IGSF21: variants seen among roughly 807,000 people sequenced by gnomAD.
IGSF21 encodes immunoglobulin superfamily member 21.
In IGSF21, 28 loss-of-function variants were observed where a neutral mutation model predicts 46.8. The observed-to-expected ratio is 0.60, with a 90% CI of 0.44 to 0.82. The LOEUF (loss-of-function observed/expected upper bound fraction) is 0.82. Ranked by LOEUF, IGSF21 falls within the 40% of genes least tolerant of loss-of-function variation. The probability of loss-of-function intolerance (pLI) is 0.00; values close to 1 mark genes in which losing one functional copy is unlikely to be tolerated. For synonymous variants in IGSF21, 284 were observed against 273.6 expected, an observed-to-expected ratio of 1.04 and a Z score of -0.38; for missense variants, 624 against 665.5, an observed-to-expected ratio of 0.94 and a Z score of 0.69.
At chr1:18,220,634 CG>C (rs1304814236) in intron 1 of IGSF21, among the ~76,000 whole-genome samples, 1 of 152,038 alleles carries the variant, frequency 6.6e-6, no homozygotes, top group Non-Finnish European at 1.5e-5. Context: ...AAGTAATTTT[CG>C]GTGTCCCAAG....
chr1:18,231,768 C>T (rs1342318908), intron 2 of IGSF21, among the ~76,000 whole-genome samples: 1 of 152,140 alleles, frequency 6.6e-6, no homozygotes, highest in Non-Finnish European at 1.5e-5. Flanking sequence ...TGCTGTAGAA[C>T]ATTGAGATTT....
intron 3 of IGSF21, among the ~76,000 whole-genome samples, chr1:18,309,810 C>G (rs2085465268): frequency 2.6e-5 from 4 of 152,200 alleles, no homozygotes; most frequent in Admixed American, 2.6e-4. Flanking sequence ...GGAAACGGAG[C>G]AGGACCGGCA....
At chr1:18,223,006 C>T (rs1281006977) in intron 1 of IGSF21, among the ~76,000 whole-genome samples, 1 of 152,168 alleles carries the variant, frequency 6.6e-6, no homozygotes, top group Non-Finnish European at 1.5e-5. Flanking sequence ...CACCTTCTCC[C>T]TCCTCACCCC....
intron 1 of IGSF21, among the ~76,000 whole-genome samples, chr1:18,162,736 C>T (rs980042670): frequency 2.6e-5 from 4 of 152,136 alleles, no homozygotes; most frequent in African/African-American, 9.7e-5. Flanking sequence ...AGGGACATAG[C>T]GTGGGGCCTG....
intron 6 of IGSF21, among the ~76,000 whole-genome samples, chr1:18,372,768 G>A (rs554233525): frequency 5.3e-5 from 8 of 151,116 alleles, no homozygotes; most frequent in Non-Finnish European, 1.2e-4. Flanking sequence ...ATGGATGTTT[G>A]GATAGATGTT....
At position 18,365,668 on chromosome 1, in the gene IGSF21, C is replaced by G. The variant is rs768326409; in HGVS notation, c.986C>G (p.Ser329Trp). ...TGCGAGGTCAAGCACCCAGCTCTGT[C>G]GATGCCCATGCAGGCAGAGGTCACG... ...FSCEVKHPAL[S>W]MPMQAEVTLV... The change falls in exon 6 of 10, where the codon TCG becomes TGG. Residue 329 changes from serine to tryptophan, a missense_variant. Coordinates refer to ENST00000251296, the MANE Select transcript of IGSF21 (RefSeq NM_032880.5). This position sits in a 1 kb window ranked among gnomAD's most constrained non-coding sequence, Gnocchi z 4.8. The G allele has an allele frequency of 3.2e-5, 51 of 1,613,576 alleles. No homozygotes were observed. In the Admixed American group the frequency reaches 7.8e-4, roughly 25 times the overall value.
intron 2 of IGSF21, among the ~76,000 whole-genome samples, chr1:18,282,599 A>C (rs1245784190): frequency 6.6e-6 from 1 of 151,520 alleles, no homozygotes; most frequent in Non-Finnish European, 1.5e-5. Context: ...CAAGGGAGAT[A>C]CAACCTTACA....
intron 2 of IGSF21, among the ~76,000 whole-genome samples, chr1:18,264,980 A>G (rs2084977278): frequency 1.3e-5 from 2 of 152,244 alleles, no homozygotes. Context: ...GGTCGTGAGC[A>G]TGATGTCACA....
At chr1:18,305,736 T>C (rs2085419587) in intron 3 of IGSF21, among the ~76,000 whole-genome samples, 1 of 152,234 alleles carries the variant, frequency 6.6e-6, no homozygotes, top group African/African-American at 2.4e-5. Flanking sequence ...TGGTGGACCA[T>C]TGGGCCATTT....
At chr1:18,367,056 C>G (rs1485857249) in intron 6 of IGSF21, among the ~76,000 whole-genome samples, 1 of 152,190 alleles carries the variant, frequency 6.6e-6, no homozygotes, top group African/African-American at 2.4e-5. Context: ...CAGCTCCTCC[C>G]TGAGCCCGAG....
intron 4 of IGSF21, among the ~76,000 whole-genome samples, chr1:18,354,062 AC>A (rs2085988829): frequency 6.6e-6 from 1 of 152,242 alleles, no homozygotes; most frequent in South Asian, 2.1e-4. Flanking sequence ...ACAGACGTTG[AC>A]CCAGAACAGA....
chr1:18,367,549 G>A (rs1482915666), intron 6 of IGSF21, among the ~76,000 whole-genome samples: 1 of 150,674 alleles, frequency 6.6e-6, no homozygotes, highest in African/African-American at 2.4e-5. Context: ...CTGGTTATGG[G>A]ACTGGTTCCC....
intron 1 of IGSF21, among the ~76,000 whole-genome samples, chr1:18,160,658 G>A (rs547686407): frequency 1.4e-4 from 21 of 152,090 alleles, no homozygotes; most frequent in Non-Finnish European, 2.6e-4. Flanking sequence ...TCGGTGTGAC[G>A]ATGGCTGCTC....
Position 18,376,811 on chromosome 1 carries a change from C to A in IGSF21, c.1113C>A (p.Phe371Leu). ...ILVHGFQNEV[F>L]PEPMFTWTRV... ...GATCTGGCCAACAGAACGAAGTCTT[C>A]CCGGAGCCCATGTTCACGTGGACGC... The change falls in exon 8 of 10, where the codon TTC becomes TTA. Residue 371 changes from phenylalanine (F) to leucine (L), a missense_variant. Phe to Leu is a conservative substitution (Grantham distance 22, BLOSUM62 0). Transcript: ENST00000251296. 6.3e-7 allele frequency: 1 copy of A among 1,593,234 alleles called. No individual in the cohort carries two copies. Among genetic ancestry groups the A allele is most frequent in the South Asian group, 1.1e-5 (1 of 88,974 alleles).
chr1:18,213,856 G>C (rs2084417137), intron 1 of IGSF21, among the ~76,000 whole-genome samples: 1 of 152,152 alleles, frequency 6.6e-6, no homozygotes, highest in Admixed American at 6.5e-5. Context: ...GCTGCCTAAG[G>C]AAGCTTTTCC....
At chr1:18,370,793 T>C (rs116290163) in intron 6 of IGSF21, among the ~76,000 whole-genome samples, 1,966 of 152,004 alleles carry the variant, frequency 0.013, 36 homozygotes, top group African/African-American at 0.045. Context: ...AAAAAGAAAA[T>C]ATACAAATGG....
intron 1 of IGSF21, among the ~76,000 whole-genome samples, chr1:18,136,723 T>G (rs1452110184): frequency 6.6e-6 from 1 of 152,216 alleles, no homozygotes. Flanking sequence ...TGGCTTAGGA[T>G]TGACTTGGCG....
Position 18,365,765 on chromosome 1 carries a change from G to T in IGSF21, c.1015+68G>T, listed in dbSNP as rs191540735. ...TGGGTGTGGGGAGAGCCTTGGAATA[G>T]GGTTCCTGGGCTGAGGACAGCCATG... On this transcript the variant is annotated intron_variant, in intron 6 of 9. Coordinates refer to ENST00000251296, the MANE Select transcript of IGSF21 (RefSeq NM_032880.5). This position sits in a 1 kb window ranked among gnomAD's most constrained non-coding sequence, Gnocchi z 4.8. 1.5e-6 allele frequency: 2 copies of T among 1,345,410 alleles called. No individual in the cohort carries two copies. The highest frequency in any genetic ancestry group is 2.9e-5 in the African/African-American group (2 of 68,620). 83.3% of individuals were successfully genotyped at this position (1,345,410 alleles called of 1,614,324 possible). A position where few individuals can be genotyped will look rare whatever the true frequency, so the allele number is the denominator to read the frequency against.
rs1305142962 is a variant in IGSF21, at chr1:18,365,577, G to A, written c.895G>A (p.Val299Met). ...CCGCACCCCGAGCAGTGACGGCACT[G>A]TGGAAGTACGTGCCCTGCTCACCTG... ...HSRTPSSDGT[V>M]EVRALLTWTL... The change falls in exon 6 of 10, where the codon GTG (valine) becomes ATG (methionine). Residue 299 changes from valine to methionine, a missense_variant. Transcript: ENST00000251296. The surrounding 1 kb of genome is among the most constrained non-coding windows in gnomAD (Gnocchi z 4.8). 1.2e-6 allele frequency: 2 copies of A among 1,614,186 alleles called. No individual in the cohort carries two copies. Among genetic ancestry groups the A allele is most frequent in the East Asian group, 2.2e-5 (1 of 44,874 alleles).
Sources: allele counts gnomAD v4.1 joint callset (sites outside exome capture counted in the v4.1 genomes callset), GRCh38; gene constraint gnomAD v4.1.1; non-coding constraint Gnocchi (gnomAD v3.1); transcripts MANE v1.5; gene names NCBI Gene and HGNC (gene_info 2026-07-23, HGNC 2026-07-21).